PRKCH: variants seen among roughly 807,000 people sequenced by gnomAD.
PRKCH encodes protein kinase C eta type.
In PRKCH, 28 loss-of-function variants were observed where a neutral mutation model predicts 82.5. The observed-to-expected ratio is 0.34, with a 90% CI of 0.25 to 0.47. The LOEUF is 0.47. PRKCH is among the 20% of genes least tolerant of loss of function. The pLI is 1.00. For missense variants in PRKCH, 705 were observed against 881.8 expected, an observed-to-expected ratio of 0.80 and a Z score of 2.54; for synonymous variants, 322 against 327.4, an observed-to-expected ratio of 0.98 and a Z score of 0.18.
chr14:61,214,226 G>A (rs1196486485), intron 1 of PRKCH, among the ~76,000 whole-genome samples: 1 of 152,180 alleles, frequency 6.6e-6, no homozygotes, highest in African/African-American at 2.4e-5. Context: ...GTACCTGGCA[G>A]GGCCTTAAGA....
chr14:61,210,784 CTCTCTCTGTGTG>C (rs1425678556), intron 1 of PRKCH, among the ~76,000 whole-genome samples: 13 of 96,018 alleles, frequency 1.4e-4, no homozygotes, highest in African/African-American at 4.2e-4. Context: ...CTCTCTCTCT[CTCTCTCTGTGTG>C]TGTGTGTGTG....
intron 1 of PRKCH, among the ~76,000 whole-genome samples, chr14:61,314,982 G>T (rs1028573942): frequency 3.9e-5 from 6 of 151,924 alleles, no homozygotes; most frequent in Non-Finnish European, 4.4e-5. Flanking sequence ...TCTAGTTGTG[G>T]GTCGTTCTTT....
intron 2 of PRKCH, among the ~76,000 whole-genome samples, chr14:61,424,813 G>A (rs1433988765): frequency 6.6e-6 from 1 of 152,226 alleles, no homozygotes; most frequent in Non-Finnish European, 1.5e-5. Flanking sequence ...GCCTAGAAGG[G>A]AAAAGTGGTT....
At chr14:61,544,632 G>A (rs530791218) in intron 12 of PRKCH, 10 of 152,288 alleles carry the variant, frequency 6.6e-5, no homozygotes, top group African/African-American at 9.6e-5. Context: ...AATGCAAAGC[G>A]GAGCCCATCA....
chr14:61,527,846 C>T (rs10133713), intron 10 of PRKCH: 10,582 of 149,696 alleles, frequency 0.071, 1,146 homozygotes, highest in African/African-American at 0.24. Flanking sequence ...GGCTTGCTGC[C>T]GTGTCCCTGC....
intron 1 of PRKCH, among the ~76,000 whole-genome samples, chr14:61,263,024 A>T (rs914878423): frequency 6.6e-6 from 1 of 152,136 alleles, no homozygotes. Context: ...TATTCTCATC[A>T]TTGGTCCATT....
intron 1 of PRKCH, among the ~76,000 whole-genome samples, chr14:61,384,164 C>T (rs574376460): frequency 2.6e-5 from 4 of 152,198 alleles, no homozygotes; most frequent in South Asian, 2.1e-4. Context: ...TGCCTCAAGT[C>T]GGAGTGGCTC....
chr14:61,444,028 TGTTTAGTGAAGGCAGAAGCCCTTG>T (rs1428659077), intron 3 of PRKCH, among the ~76,000 whole-genome samples: 2 of 152,224 alleles, frequency 1.3e-5, no homozygotes, highest in African/African-American at 4.8e-5. Flanking sequence ...TTAATTATTT[TGTTTAGTGAAGGCAGAAGCCCTTG>T]GATCAGAGCA....
Position 61,449,145 on chromosome 14 carries a change from G to T in PRKCH, c.614-19G>T. On this transcript the variant is annotated intron_variant, in intron 4 of 13. Transcript: ENST00000332981. ...GTGAGCTTCTGATAAATGTATAATT[G>T]CTGGATTTAATTTCCTAGTGTGCAC... 6.2e-7 allele frequency: 1 copy of T among 1,605,892 alleles called. No homozygotes were observed. The highest frequency in any genetic ancestry group is 8.5e-7 in the Non-Finnish European group (1 of 1,172,616).
At chr14:61,413,401 G>GCACCCCC in intron 2 of PRKCH, among the ~76,000 whole-genome samples, 1 of 18,566 alleles carries the variant, frequency 5.4e-5, no homozygotes, top group Non-Finnish European at 1.3e-4. Flanking sequence ...TTCTTTTTAA[G>GCACCCCC]CGCCCCCCCC....
chr14:61,379,968 T>G (rs1566847460), intron 1 of PRKCH, among the ~76,000 whole-genome samples: 1 of 152,200 alleles, frequency 6.6e-6, no homozygotes, highest in South Asian at 2.1e-4. Flanking sequence ...TGGTTCCTCT[T>G]TCTTACTCCA....
intron 1 of PRKCH, among the ~76,000 whole-genome samples, chr14:61,246,435 T>C (rs929435207): frequency 4.6e-5 from 7 of 151,898 alleles, no homozygotes; most frequent in Non-Finnish European, 1.0e-4. Flanking sequence ...AATTTTCTTA[T>C]TAAGTTTGTT....
chr14:61,280,452 T>A lies in PRKCH; in HGVS notation c.-19+92784T>A, dbSNP rs765806767. On this transcript the variant is annotated intron_variant, in intron 1 of 3. Transcript: ENST00000555185. The surrounding 1 kb of genome is among the most constrained non-coding windows in gnomAD (Gnocchi z 5.0). ...TGGGGTCGGGGCTGAGCTCGTAGAC[T>A]GGCCGGCGCCAGTTGGGCGGGGGCG... 1.9e-6 allele frequency: 3 copies of A among 1,613,736 alleles called. No individual in the cohort carries two copies. The highest frequency in any genetic ancestry group is 2.5e-6 in the Non-Finnish European group (3 of 1,179,808).
At chr14:61,458,501 G>A (rs562653265) in intron 9 of PRKCH, among the ~76,000 whole-genome samples, 2 of 152,270 alleles carry the variant, frequency 1.3e-5, no homozygotes, top group Admixed American at 1.3e-4. Flanking sequence ...TAAGGGCAGG[G>A]GCTGAAGGGC....
At position 61,327,771 on chromosome 14, in the gene PRKCH, A is replaced by T. The variant is rs570554786; in HGVS notation, c.363+5307A>T. 2.0e-5 allele frequency among the ~76,000 whole-genome samples: 3 copies of T among 152,344 alleles called. No homozygotes were observed. The South Asian group carries it at 6.2e-4, about 32-fold the overall frequency. ...TGTCCTAACCCTGGGACAATGTCTC[A>T]TATGTAGTAAACATTAAATATTTGT... On this transcript the variant is annotated intron_variant, in intron 1 of 13. Coordinates refer to ENST00000332981, the MANE Select transcript of PRKCH (RefSeq NM_006255.5).
chr14:61,310,623 C>G (rs1566814887), intron 1 of PRKCH, among the ~76,000 whole-genome samples: 1 of 152,178 alleles, frequency 6.6e-6, no homozygotes, highest in Non-Finnish European at 1.5e-5. Context: ...TTTCCAGGCA[C>G]CTGATGCAAG....
chr14:61,550,043 A>G lies in PRKCH; in HGVS notation c.*212A>G, dbSNP rs1330884159. On this transcript the variant is annotated 3_prime_UTR_variant, in exon 14 of 14. Transcript: ENST00000332981. ...GGCACTAGAAATAGTTGATAATGAA[A>G]TGAGATTTTATGAAGTATACCGCTC... 7.8e-6 allele frequency: 4 copies of G among 515,732 alleles called. No individual in the cohort carries two copies. The highest frequency in any genetic ancestry group is 1.9e-5 in the African/African-American group (1 of 52,902). 31.9% of individuals were successfully genotyped at this position (515,732 alleles called of 1,614,324 possible). A position where few individuals can be genotyped will look rare whatever the true frequency, so the allele number is the denominator to read the frequency against.
At chr14:61,344,793 C>T (rs542137211) in intron 1 of PRKCH, among the ~76,000 whole-genome samples, 9 of 152,188 alleles carry the variant, frequency 5.9e-5, no homozygotes, top group African/African-American at 2.2e-4. Context: ...GCCTATGTGA[C>T]CTGTTTTCAC....
In PRKCH at chr14:61,280,909, G is replaced by A. The variant is rs747831558; in HGVS notation, c.-19+93241G>A. ...CAGCGCCCGGCCCTGGCCAGCCGCG[G>A]CGCACACCGAGCAGTTACCGGTGCC... On this transcript the variant is annotated intron_variant, in intron 1 of 3. Transcript: ENST00000555185. This position sits in a 1 kb window ranked among gnomAD's most constrained non-coding sequence, Gnocchi z 5.0. 1 of 1,546,654 alleles carries A rather than the reference G, an allele frequency of 6.5e-7. No individual in the cohort carries two copies. The highest frequency in any genetic ancestry group is 1.2e-5 in the South Asian group (1 of 84,232).
Sources: allele counts gnomAD v4.1 joint callset (sites outside exome capture counted in the v4.1 genomes callset), GRCh38; gene constraint gnomAD v4.1.1; non-coding constraint Gnocchi (gnomAD v3.1); transcripts MANE v1.5; gene names NCBI Gene and HGNC (gene_info 2026-07-23, HGNC 2026-07-21).